The following MRTFB variants were observed in gnomAD, a reference collection of about 807,000 sequenced individuals.
The protein encoded by MRTFB is myocardin-related transcription factor B.
In MRTFB, 29 loss-of-function variants were observed where a neutral mutation model predicts 104.2. That is an observed-to-expected ratio of 0.28 (90% CI 0.21 to 0.38). The LOEUF (loss-of-function observed/expected upper bound fraction) is 0.38, where lower values mean the gene tolerates loss of function less well. Ranked by LOEUF, MRTFB falls within the 10% of genes least tolerant of loss-of-function variation. The pLI is 1.00. For missense variants in MRTFB, 1,270 were observed against 1,341.6 expected (o/e 0.95, Z 0.83); for synonymous variants, 535 against 519.5 (o/e 1.03, Z -0.41).
intron 9 of MRTFB, among the ~76,000 whole-genome samples, chr16:14,239,081 C>T (rs555197299): frequency 1.2e-4 from 18 of 152,226 alleles, no homozygotes; most frequent in African/African-American, 4.1e-4. Flanking sequence ...TCCAGCACCC[C>T]GCTGGCTATG....
At chr16:14,113,860 C>G (rs980893975) in intron 2 of MRTFB, among the ~76,000 whole-genome samples, 4 of 152,130 alleles carry the variant, frequency 2.6e-5, no homozygotes, top group African/African-American at 9.7e-5. Context: ...CTTAAATTTT[C>G]CAGGTACATT....
chr16:14,008,953 T>TATTTATTTATTTATTTATTTATTG, the MRTFB span, among the ~76,000 whole-genome samples: 2 of 151,804 alleles, frequency 1.3e-5, no homozygotes, highest in African/African-American at 4.8e-5. Flanking sequence ...TGTATTTATT[T>TATTTATTTATTTATTTATTTATTG]ATTTTCATTT....
chr16:14,259,592 A>T (rs2043674147), intron 16 of MRTFB, among the ~76,000 whole-genome samples: 1 of 152,120 alleles, frequency 6.6e-6, no homozygotes, highest in Non-Finnish European at 1.5e-5. Flanking sequence ...GAAACTAAAA[A>T]TACAACAATT....
chr16:14,200,724 C>T lies in MRTFB; in HGVS notation c.155-9519C>T, dbSNP rs554368393. 4 of 1,521,838 alleles carry T rather than the reference C, an allele frequency of 2.6e-6. No homozygotes were observed. In the Admixed American group the frequency reaches 6.7e-5, roughly 26 times the overall value. The allele number at this position is 1,521,838 out of a possible 1,614,324, so 94.3% of individuals were successfully genotyped here. On this transcript the variant is annotated intron_variant, in intron 3 of 16. Coordinates refer to ENST00000571589, the MANE Select transcript of MRTFB (RefSeq NM_001308142.2). ...AATGAAACTGTGTCAGAGGCTGAAT[C>T]AGGAATCTTTTGGTTGGGACTTGTT...
At chr16:14,126,324 A>G (rs1418181149) in intron 2 of MRTFB, among the ~76,000 whole-genome samples, 1 of 152,202 alleles carries the variant, frequency 6.6e-6, no homozygotes, top group Admixed American at 6.5e-5. Flanking sequence ...ATTAATTTCA[A>G]CCTCTGTTAC....
intron 2 of MRTFB, among the ~76,000 whole-genome samples, chr16:14,111,290 C>A (rs1407620411): frequency 6.6e-6 from 1 of 152,154 alleles, no homozygotes; most frequent in South Asian, 2.1e-4. Context: ...AGATGTTAAA[C>A]ATGCAGAGAT....
At chr16:14,136,027 T>G (rs2037700493) in intron 2 of MRTFB, among the ~76,000 whole-genome samples, 1 of 152,168 alleles carries the variant, frequency 6.6e-6, no homozygotes, top group Admixed American at 6.5e-5. Flanking sequence ...TTCCAGCACT[T>G]TGGGAGGCCG....
chr16:14,120,997 C>T (rs1432349036), intron 2 of MRTFB, among the ~76,000 whole-genome samples: 2 of 152,060 alleles, frequency 1.3e-5, no homozygotes, highest in Admixed American at 6.6e-5. Context: ...CACATAAACT[C>T]ATATATATGT....
intron 9 of MRTFB, among the ~76,000 whole-genome samples, chr16:14,237,906 G>T (rs907117645): frequency 6.6e-6 from 1 of 152,146 alleles, no homozygotes; most frequent in Admixed American, 6.5e-5. Context: ...AAAATTAAAG[G>T]ACCAGAAAAA....
chr16:14,104,460 A>C (rs2035867587), intron 2 of MRTFB, among the ~76,000 whole-genome samples: 2 of 152,102 alleles, frequency 1.3e-5, no homozygotes, highest in Admixed American at 6.5e-5. Context: ...TACATTTTAC[A>C]CTCAGGCAGG....
chr16:14,047,485 T>C, the MRTFB span, among the ~76,000 whole-genome samples: 1 of 152,204 alleles, frequency 6.6e-6, no homozygotes, highest in Non-Finnish European at 1.5e-5. Context: ...AAGGGCACTA[T>C]ATTAGTCCGT....
At chr16:14,142,485 T>G (rs2038064302) in intron 3 of MRTFB, 1 of 152,042 alleles carries the variant, frequency 6.6e-6, no homozygotes, top group African/African-American at 2.4e-5. Context: ...CCTGACCTCG[T>G]GATCCACCTA....
the MRTFB span, among the ~76,000 whole-genome samples, chr16:14,057,343 T>C: frequency 6.6e-6 from 1 of 152,222 alleles, no homozygotes; most frequent in South Asian, 2.1e-4. Context: ...CCCTCTTACT[T>C]TGGCAACAAT....
chr16:14,024,492 C>A, the MRTFB span, among the ~76,000 whole-genome samples: 2 of 152,172 alleles, frequency 1.3e-5, no homozygotes, highest in Non-Finnish European at 2.9e-5. Flanking sequence ...CTGCAGAGGG[C>A]AGCCTGGCAG....
chr16:14,262,315 T>C lies in MRTFB; in HGVS notation c.*871T>C, dbSNP rs1031059339. 6.6e-6 allele frequency: 1 copy of C among 152,240 alleles called. No homozygotes were observed. The highest frequency in any genetic ancestry group is 2.4e-5 in the African/African-American group (1 of 41,468). The allele number at this position is 152,240 out of a possible 1,614,324, so 9.4% of individuals were successfully genotyped here. A position where few individuals can be genotyped will look rare whatever the true frequency, so the allele number is the denominator to read the frequency against. On this transcript the variant is annotated 3_prime_UTR_variant, in exon 17 of 17. Transcript: ENST00000571589. ...GGTCCTACTTTTTTAATAGCTCGAA[T>C]ATTTCTAGAGTACTTGAGCCACATG...
At position 14,169,477 on chromosome 16, in the gene MRTFB, T is replaced by C. The variant is rs562195427; in HGVS notation, c.154+28717T>C. Among the ~76,000 whole-genome samples, 18 of 152,244 alleles carry C rather than the reference T, an allele frequency of 1.2e-4. 1 individual carries two copies. Among genetic ancestry groups the C allele is most frequent in the Admixed American group, 6.5e-5 (1 of 15,286 alleles). On this transcript the variant is annotated intron_variant, in intron 3 of 16. Transcript: ENST00000571589. ...TAACCTCGTTTTTGTCTTTTAATTA[T>C]GAAATTTTGGAGTTTTTTATATACC...
In MRTFB at chr16:14,262,106, A is replaced by G. The variant is rs1255744085; in HGVS notation, c.*662A>G. The G allele has an allele frequency of 2.0e-5, 3 of 152,254 alleles. No homozygotes were observed. The highest frequency in any genetic ancestry group is 2.1e-4 in the South Asian group (1 of 4,832). The allele number at this position is 152,254 out of a possible 1,614,324, so 9.4% of individuals were successfully genotyped here. A position where few individuals can be genotyped will look rare whatever the true frequency, so the allele number is the denominator to read the frequency against. ...TTAAATTTAAATGCAAGATCTTTCAACATAAACAGAAGATACCTACAAAAT... is the reference window on the plus strand; with the variant it reads ...TTAAATTTAAATGCAAGATCTTTCAGCATAAACAGAAGATACCTACAAAAT... On this transcript the variant is annotated 3_prime_UTR_variant, in exon 17 of 17. Coordinates refer to ENST00000571589, the MANE Select transcript of MRTFB (RefSeq NM_001308142.2).
chr16:14,227,078 A>T (rs530320126), intron 8 of MRTFB, among the ~76,000 whole-genome samples: 1 of 152,202 alleles, frequency 6.6e-6, no homozygotes, highest in Non-Finnish European at 1.5e-5. Context: ...TTTGCAAATC[A>T]TATATCTTAT....
chr16:14,234,666 A>G (rs116961926), intron 9 of MRTFB, among the ~76,000 whole-genome samples: 1 of 152,262 alleles, frequency 6.6e-6, no homozygotes, highest in African/African-American at 2.4e-5. Context: ...GTGGTGGTGC[A>G]TGCCTATAGT....
Sources: allele counts gnomAD v4.1 joint callset (sites outside exome capture counted in the v4.1 genomes callset), GRCh38; gene constraint gnomAD v4.1.1; transcripts MANE v1.5; gene names NCBI Gene and HGNC (gene_info 2026-07-23, HGNC 2026-07-21).